Variants in AHI1 observed in about 807,000 individuals in gnomAD.
AHI1 encodes the protein jouberin.
In AHI1, 123 loss-of-function variants were observed where a neutral mutation model predicts 149.3. The ratio of observed to expected loss-of-function variants is 0.82; its 90% confidence interval spans 0.71 to 0.96. The LOEUF is 0.96. Ranked by LOEUF, AHI1 falls within the 40% of genes least tolerant of loss-of-function variation. The pLI is 0.00. For missense variants in AHI1, 1,439 were observed against 1,422.7 expected, an observed-to-expected ratio of 1.01 and a Z score of -0.18; for synonymous variants, 475 against 459.8, an observed-to-expected ratio of 1.03 and a Z score of -0.42.
intron 24 of AHI1, among the ~76,000 whole-genome samples, chr6:135,350,456 T>A (rs941720253): frequency 6.6e-6 from 1 of 152,222 alleles, no homozygotes; most frequent in African/African-American, 2.4e-5. Context: ...AGTTTCATCA[T>A]ATATACATTT....
chr6:135,405,938 G>A (rs961526110), intron 21 of AHI1, among the ~76,000 whole-genome samples: 6 of 151,128 alleles, frequency 4.0e-5, no homozygotes, highest in Admixed American at 2.0e-4. Context: ...CCAATTAGGA[G>A]TTAGCCAGCA....
rs1377485428 is a variant in AHI1 at position 135,404,347 on chromosome 6, C to T, written c.2988+604G>A. 2.6e-5 allele frequency among the ~76,000 whole-genome samples: 4 copies of T among 152,138 alleles called. No individual in the cohort carries two copies. In the South Asian group the frequency reaches 6.2e-4, roughly 24 times the overall value. ...AATTTAGTTGAAATTGTTTACTAATCGAGAGCCTTTTTGTACACTACCATT... is the reference window on the plus strand; with the variant it reads ...AATTTAGTTGAAATTGTTTACTAATTGAGAGCCTTTTTGTACACTACCATT... On this transcript the variant is annotated intron_variant, in intron 22 of 28. Coordinates refer to ENST00000265602, the MANE Select transcript of AHI1 (RefSeq NM_001134831.2).
At chr6:135,462,986 A>C (rs1790159157) in intron 8 of AHI1, 139 bp downstream of exon 8, 3 of 630,822 alleles carry the variant, frequency 4.8e-6, no homozygotes, top group Admixed American at 6.3e-5. Context: ...TTTAATCTAG[A>C]TGAATTCAAG....
chr6:135,365,684 T>C (rs1324342715), intron 23 of AHI1, among the ~76,000 whole-genome samples: 1 of 152,200 alleles, frequency 6.6e-6, no homozygotes. Flanking sequence ...CTCTACTGAA[T>C]TAATTTATCA....
At position 135,331,306 on chromosome 6, in the gene AHI1, T is replaced by C. The variant is rs529881895; in HGVS notation, c.3166-7982A>G. On this transcript the variant is annotated intron_variant, in intron 24 of 28. Coordinates refer to ENST00000265602, the MANE Select transcript of AHI1 (RefSeq NM_001134831.2). ...ATCCACGTGGTCAAATTTTGACCAC[T>C]GTTCACATATTTGAAATAGAGTTCT... 2.0e-3 allele frequency among the ~76,000 whole-genome samples: 304 copies of C among 152,350 alleles called. 1 individual carries two copies. The highest frequency in any genetic ancestry group is 7.1e-3 in the African/African-American group (294 of 41,588).
chr6:135,351,128 C>CAAAAAAAAAA (rs1792032795), intron 24 of AHI1, among the ~76,000 whole-genome samples: 1 of 130,138 alleles, frequency 7.7e-6, no homozygotes, highest in African/African-American at 3.5e-5. Flanking sequence ...ATAAATAAAA[C>CAAAAAAAAAA]AAAAAACAAA....
intron 5 of AHI1, among the ~76,000 whole-genome samples, chr6:135,471,164 T>C (rs534600768): frequency 1.3e-5 from 2 of 152,334 alleles, no homozygotes; most frequent in South Asian, 2.1e-4. Context: ...GAAAGATTTA[T>C]GGTCTCAAGG....
chr6:135,435,743 C>T (rs1360404803), intron 15 of AHI1, among the ~76,000 whole-genome samples: 1 of 152,126 alleles, frequency 6.6e-6, no homozygotes, highest in Non-Finnish European at 1.5e-5. Context: ...AGACAGAGGA[C>T]TTAGAGACTG....
chr6:135,458,044 A>G (rs1283546689), intron 8 of AHI1, among the ~76,000 whole-genome samples: 2 of 152,226 alleles, frequency 1.3e-5, no homozygotes. Context: ...TAGAATTTCT[A>G]ATTCTGGGTG....
intron 23 of AHI1, among the ~76,000 whole-genome samples, chr6:135,387,228 G>A (rs558297114): frequency 6.6e-6 from 1 of 152,124 alleles, no homozygotes; most frequent in African/African-American, 2.4e-5. Context: ...TTGCAAAATG[G>A]AATTATATGA....
At chr6:135,497,400 A>C (rs1404027894) in intron 1 of AHI1, among the ~76,000 whole-genome samples, 151 bp from the exon 2 acceptor site, 3 of 152,216 alleles carry the variant, frequency 2.0e-5, no homozygotes, top group Non-Finnish European at 4.4e-5. Context: ...GCGCAAAAGT[A>C]CGGTGAGGAC....
chr6:135,413,694 T>C (rs1215856096), intron 20 of AHI1, among the ~76,000 whole-genome samples: 3 of 151,100 alleles, frequency 2.0e-5, no homozygotes, highest in African/African-American at 4.9e-5. Context: ...ACAAAAATCA[T>C]CTATATGTCT....
chr6:135,364,336 C>T (rs1257873252), intron 23 of AHI1, among the ~76,000 whole-genome samples: 5 of 151,586 alleles, frequency 3.3e-5, no homozygotes, highest in African/African-American at 1.2e-4. Context: ...GATGTGATGG[C>T]GGCCGGGAAG....
At chr6:135,409,157 G>C (rs1781223345) in intron 21 of AHI1, among the ~76,000 whole-genome samples, 1 of 152,120 alleles carries the variant, frequency 6.6e-6, no homozygotes, top group East Asian at 1.9e-4. Flanking sequence ...TTATTTGCAT[G>C]TTAAAAGGGC....
At chr6:135,398,029 GA>G (rs1445988680) in intron 22 of AHI1, among the ~76,000 whole-genome samples, 2 of 118,958 alleles carry the variant, frequency 1.7e-5, no homozygotes, top group East Asian at 5.1e-4. Context: ...GGTGGCATTA[GA>G]AAAAAAGAAA....
chr6:135,379,495 C>G (rs1410712967), intron 23 of AHI1, among the ~76,000 whole-genome samples: 1 of 152,138 alleles, frequency 6.6e-6, no homozygotes, highest in Non-Finnish European at 1.5e-5. Context: ...CTCTATGAGG[C>G]CTTATTGTCT....
At chr6:135,445,361 C>T (rs568498385) in intron 13 of AHI1, among the ~76,000 whole-genome samples, 8 of 152,126 alleles carry the variant, frequency 5.3e-5, no homozygotes, top group Non-Finnish European at 8.8e-5. Context: ...ATCAGCAATG[C>T]TTCTTGCCAC....
chr6:135,409,806 G>A (rs1781329133), intron 21 of AHI1, among the ~76,000 whole-genome samples: 1 of 152,164 alleles, frequency 6.6e-6, no homozygotes, highest in Non-Finnish European at 1.5e-5. Context: ...AATTGGTCTG[G>A]TAATAGATAC....
chr6:135,308,736 C>T (rs1348388150), intron 26 of AHI1, among the ~76,000 whole-genome samples: 2 of 152,144 alleles, frequency 1.3e-5, no homozygotes, highest in Non-Finnish European at 2.9e-5. Context: ...CAATTCATCC[C>T]TAGGTTATTC....
Sources: allele counts gnomAD v4.1 joint callset (sites outside exome capture counted in the v4.1 genomes callset), GRCh38; gene constraint gnomAD v4.1.1; transcripts MANE v1.5; gene names NCBI Gene and HGNC (gene_info 2026-07-23, HGNC 2026-07-21).